Variants in MERTK observed in about 807,000 individuals in gnomAD.
MERTK encodes MER proto-oncogene, tyrosine kinase.
In MERTK, 69 loss-of-function variants were observed where a neutral mutation model predicts 99.3. The ratio of observed to expected loss-of-function variants is 0.70; its 90% CI spans 0.57 to 0.85. The LOEUF (loss-of-function observed/expected upper bound fraction) is 0.85. Among genes scored for constraint, MERTK ranks in the 40% least tolerant of loss-of-function variants. MERTK has a pLI of 0.00. For missense variants in MERTK, 1,125 were observed against 1,249.4 expected (o/e 0.90, Z 1.50); for synonymous variants, 426 against 467.6 (o/e 0.91, Z 1.15).
intron 1 of MERTK, among the ~76,000 whole-genome samples, chr2:111,925,750 T>C (rs1684553447): frequency 6.6e-6 from 1 of 152,134 alleles, no homozygotes; most frequent in Non-Finnish European, 1.5e-5. Flanking sequence ...CATGGAAAAC[T>C]GAAGATTATA....
At chr2:112,001,554 G>T (rs1676870441) in intron 11 of MERTK, among the ~76,000 whole-genome samples, 1 of 152,118 alleles carries the variant, frequency 6.6e-6, no homozygotes, top group Non-Finnish European at 1.5e-5. Flanking sequence ...AACCTTCTAG[G>T]GTGACAGAAG....
intron 12 of MERTK, 42 bp from the exon 13 acceptor site, chr2:112,003,862 G>T (rs773880091): frequency 1.3e-6 from 2 of 1,494,248 alleles, no homozygotes; most frequent in Non-Finnish European, 1.9e-6. Flanking sequence ...GGTCAGGGAA[G>T]AGTTTGCACA....
Position 112,018,832 on chromosome 2 carries a change from T to C in MERTK, c.2080-581T>C, listed in dbSNP as rs150963131. ...AGGGCCTACGGGAGCAAAATGAAAA[T>C]TCCTGAATATGTACTTGTGGTGCTT... On this transcript the variant is annotated intron_variant, in intron 15 of 18. Transcript: ENST00000295408. Among the ~76,000 whole-genome samples the C allele has an allele frequency of 3.2e-3, 483 of 152,250 alleles. 3 individuals are homozygous for C. The highest frequency in any genetic ancestry group is 7.2e-3 in the Admixed American group (110 of 15,294).
chr2:111,952,789 TATTTTAA>T (rs1685081678), intron 4 of MERTK: 1 of 152,188 alleles, frequency 6.6e-6, no homozygotes, highest in African/African-American at 2.4e-5. Flanking sequence ...AAAGTGAACA[TATTTTAA>T]ATTTTAATAC....
At chr2:111,975,851 C>T (rs910820913) in intron 7 of MERTK, among the ~76,000 whole-genome samples, 2 of 152,094 alleles carry the variant, frequency 1.3e-5, no homozygotes, top group Non-Finnish European at 2.9e-5. Flanking sequence ...GGCTCTGCAG[C>T]GGAGACCAGC....
intron 2 of MERTK, chr2:111,940,443 A>G (rs549508923): frequency 2.4e-5 from 13 of 550,950 alleles, no homozygotes; most frequent in South Asian, 1.7e-4. Context: ...GAGTAGCTTC[A>G]TTAAGAACTG....
intron 1 of MERTK, among the ~76,000 whole-genome samples, chr2:111,911,997 C>CTTTA (rs70962964): frequency 0.46 from 68,635 of 148,054 alleles, 16,648 homozygotes; most frequent in Middle Eastern, 0.54. Context: ...CTTCCAATCG[C>CTTTA]TTTATTTATT....
chr2:111,969,315 G>T (rs936848185), intron 6 of MERTK, among the ~76,000 whole-genome samples: 6 of 152,054 alleles, frequency 3.9e-5, no homozygotes, highest in African/African-American at 1.4e-4. Flanking sequence ...CTAAAGCAGC[G>T]GTCAGAACCA....
At chr2:111,967,210 C>T (rs1448959349) in intron 5 of MERTK, among the ~76,000 whole-genome samples, 1 of 152,176 alleles carries the variant, frequency 6.6e-6, no homozygotes, top group Non-Finnish European at 1.5e-5. Flanking sequence ...GTTCAAGTCC[C>T]TGTTGTACTG....
At chr2:111,949,272 A>G (rs1685013857) in intron 4 of MERTK, among the ~76,000 whole-genome samples, 1 of 152,142 alleles carries the variant, frequency 6.6e-6, no homozygotes, top group Non-Finnish European at 1.5e-5. Flanking sequence ...ACATATGCTC[A>G]GTAAGGACAA....
intron 1 of MERTK, among the ~76,000 whole-genome samples, chr2:111,924,564 C>G (rs969146505): frequency 1.3e-5 from 2 of 152,162 alleles, no homozygotes; most frequent in Non-Finnish European, 2.9e-5. Flanking sequence ...TCCTGCTCTT[C>G]TTCCTCCTAC....
intron 1 of MERTK, among the ~76,000 whole-genome samples, chr2:111,907,253 A>G (rs1684153428): frequency 6.6e-6 from 1 of 152,132 alleles, no homozygotes; most frequent in South Asian, 2.1e-4. Context: ...TGTCTCTACT[A>G]AATACAAAAA....
chr2:111,985,196 A>G (rs1676451190), intron 8 of MERTK, among the ~76,000 whole-genome samples: 1 of 152,186 alleles, frequency 6.6e-6, no homozygotes, highest in African/African-American at 2.4e-5. Flanking sequence ...TCAAACCCAG[A>G]GGGACATTTG....
At chr2:112,011,633 C>G (rs1333242974) in intron 15 of MERTK, among the ~76,000 whole-genome samples, 1 of 152,086 alleles carries the variant, frequency 6.6e-6, no homozygotes, top group Non-Finnish European at 1.5e-5. Context: ...CACCAGTAAT[C>G]CCAGCTACTT....
chr2:112,007,127 C>G (rs1274522599), intron 13 of MERTK, among the ~76,000 whole-genome samples: 1 of 151,992 alleles, frequency 6.6e-6, no homozygotes, highest in Non-Finnish European at 1.5e-5. Flanking sequence ...GTTATACAAC[C>G]ATCACTACCA....
rs116723045 is a variant in MERTK, at chr2:111,982,572, T to G, written c.1145-270T>G. Reference sequence around the variant, plus strand: ...TTTTTTAGTTTTTTGTTTTGTTTTGTAGAAAGGGTCTCACTATGTTCTGGC... The same window carrying G: ...TTTTTTAGTTTTTTGTTTTGTTTTGGAGAAAGGGTCTCACTATGTTCTGGC... On this transcript the variant is annotated intron_variant, in intron 7 of 18. Coordinates refer to ENST00000295408, the MANE Select transcript of MERTK (RefSeq NM_006343.3). Among the ~76,000 whole-genome samples the G allele has an allele frequency of 0.01, 1,557 of 152,240 alleles. 29 individuals are homozygous for G. Among genetic ancestry groups the G allele is most frequent in the African/African-American group, 0.036 (1,498 of 41,520 alleles).
intron 1 of MERTK, among the ~76,000 whole-genome samples, chr2:111,909,742 TCTCCCTGTACCCAGGGAGAAATAAA>T (rs1379653829): frequency 1.3e-5 from 2 of 152,126 alleles, no homozygotes; most frequent in Non-Finnish European, 2.9e-5. Flanking sequence ...TTCCAGGCCT[TCTCCCTGTACCCAGGGAGAAATAAA>T]CTCCCTTCTT....
intron 1 of MERTK, among the ~76,000 whole-genome samples, chr2:111,908,555 A>T (rs891180091): frequency 6.6e-6 from 1 of 152,136 alleles, no homozygotes; most frequent in Admixed American, 6.5e-5. Context: ...ATCATGATTG[A>T]CATGATTATG....
intron 8 of MERTK, among the ~76,000 whole-genome samples, chr2:111,990,218 T>TA (rs1356176335): frequency 6.6e-6 from 1 of 152,214 alleles, no homozygotes; most frequent in African/African-American, 2.4e-5. Context: ...ACATCCATTT[T>TA]AAAAAAACAT....
Sources: gnomAD v4.1 joint callset for allele counts (sites outside exome capture counted in the v4.1 genomes callset) on GRCh38, gnomAD v4.1.1 for gene constraint, MANE v1.5 for transcripts, NCBI Gene and HGNC (gene_info 2026-07-23, HGNC 2026-07-21) for gene names.